Variants in ANKDD1A observed in about 807,000 individuals in gnomAD.
The protein encoded by ANKDD1A is ankyrin repeat and death domain-containing protein 1A.
Under a neutral mutation model 63.5 loss-of-function variants are expected in ANKDD1A, and 59 were observed. The observed-to-expected ratio is 0.93, with a 90% CI of 0.75 to 1.15. The LOEUF is 1.15. Ranked by LOEUF, ANKDD1A falls within the 50% of genes most tolerant of loss-of-function variation. The probability of loss-of-function intolerance (pLI) is 0.00; values close to 1 mark genes in which losing one functional copy is unlikely to be tolerated. For missense variants in ANKDD1A, 632 were observed against 656.4 expected, an observed-to-expected ratio of 0.96 and a Z score of 0.41; for synonymous variants, 266 against 263.9, an observed-to-expected ratio of 1.01 and a Z score of -0.08.
Position 64,930,910 on chromosome 15 carries a change from A to T in ANKDD1A, c.659A>T (p.Glu220Val), listed in dbSNP as rs745367546. Residue 220 changes from glutamate to valine, a missense_variant, in exon 7 of 15, where the codon GAG becomes GTG. Transcript: ENST00000319580. Reference sequence around the variant, plus strand: ...GTGGACATCGGGCTGGACCTGGAGGAGCAGAATGCGGTGAGTCACCGCCTG... The same window carrying T: ...GTGGACATCGGGCTGGACCTGGAGGTGCAGAATGCGGTGAGTCACCGCCTG... Reference protein sequence around the residue: ...RLVDIGLDLEEQNAEGLTALH... With the variant: ...RLVDIGLDLEVQNAEGLTALH... 1 of 1,611,428 alleles carries T rather than the reference A, an allele frequency of 6.2e-7. No individual in the cohort carries two copies. Among genetic ancestry groups the T allele is most frequent in the Non-Finnish European group, 8.5e-7 (1 of 1,179,954 alleles).
rs757983064 is a variant in ANKDD1A at position 64,944,679 on chromosome 15, G to A, written c.1093G>A (p.Val365Ile). 24 of 1,613,884 alleles carry A rather than the reference G, an allele frequency of 1.5e-5. No homozygotes were observed. Among genetic ancestry groups the A allele is most frequent in the South Asian group, 5.5e-5 (5 of 91,044 alleles). Residue 365 changes from valine (V) to isoleucine (I), a missense_variant, in exon 12 of 15, where the codon GTC becomes ATC. Physicochemically the swap from Val to Ile is conservative, Grantham distance 29 (BLOSUM62 3). Transcript: ENST00000319580. ...KQGKTALAVA[V>I]RSNHVSLVDM... ...GGGAAAAACCGCCCTGGCAGTGGCC[G>A]TCCGCAGCAACCATGTCAGCCTGGT...
intron 14 of ANKDD1A, among the ~76,000 whole-genome samples, chr15:64,954,060 TTC>T (rs1566918294): frequency 2.6e-5 from 1 of 38,010 alleles, no homozygotes; most frequent in African/African-American, 5.5e-5. Flanking sequence ...TTTCTCCTTC[TTC>T]TTTCTTCTTC....
chr15:64,931,759 C>G, intron 8 of ANKDD1A, 174 bp downstream of exon 8: 2 of 657,716 alleles, frequency 3.0e-6, no homozygotes, highest in Non-Finnish European at 5.3e-6. Flanking sequence ...GAGCAAGTTA[C>G]TTAACCTCTC....
chr15:64,925,457 CCTT>C lies in ANKDD1A; in HGVS notation c.367-604_367-602del, dbSNP rs549525490. On this transcript the variant is annotated intron_variant, in intron 4 of 14. Coordinates refer to ENST00000319580, the MANE Select transcript of ANKDD1A (RefSeq NM_182703.6). ...TCCTTTTGCTTCTAGGCCCCAGAGACCTTCTTCCTGTCCACCCCCAACCCAGGC... is the reference window on the plus strand; with the variant it reads ...TCCTTTTGCTTCTAGGCCCCAGAGACCTTCCTGTCCACCCCCAACCCAGGC... Among the ~76,000 whole-genome samples the C allele has an allele frequency of 9.1e-4, 139 of 152,128 alleles. 1 individual carries two copies. The highest frequency in any genetic ancestry group is 3.2e-3 in the African/African-American group (134 of 41,498).
At chr15:64,953,655 T>TTC in intron 14 of ANKDD1A, among the ~76,000 whole-genome samples, 3 of 35,616 alleles carry the variant, frequency 8.4e-5, no homozygotes, top group East Asian at 1.8e-3. Context: ...TCCTTCTCCT[T>TTC]CTTTTCTTTC....
chr15:64,934,190 C>G lies in ANKDD1A; in HGVS notation c.823C>G (p.Arg275Gly), dbSNP rs537030205. The G allele has an allele frequency of 6.2e-7, 1 of 1,612,332 alleles. No homozygotes were observed. Among genetic ancestry groups the G allele is most frequent in the African/African-American group, 1.3e-5 (1 of 74,908 alleles). The part of the protein sequence containing the change: ...AALSGSEDVS[R>G]VLIHAGGCAN... Reference sequence around the variant, plus strand: ...CCTCAGTGGCTCGGAGGATGTGTCTCGGGTCCTCATCCACGCAGGAGGCTG... The same window carrying G: ...CCTCAGTGGCTCGGAGGATGTGTCTGGGGTCCTCATCCACGCAGGAGGCTG... Residue 275 changes from arginine to glycine, a missense_variant, in exon 9 of 15, where the codon CGG becomes GGG. Physicochemically the swap from Arg to Gly is moderately radical, Grantham distance 125. Transcript: ENST00000319580.
At chr15:64,949,036 C>T (rs2085247716) in intron 13 of ANKDD1A, among the ~76,000 whole-genome samples, 1 of 152,128 alleles carries the variant, frequency 6.6e-6, no homozygotes, top group Non-Finnish European at 1.5e-5. Context: ...TGCCACCACA[C>T]CAAGGGCAGT....
chr15:64,921,974 C>T lies in ANKDD1A; in HGVS notation c.321C>T (p.Leu107=), dbSNP rs780682731. The T allele has an allele frequency of 6.2e-7, 1 of 1,614,196 alleles. No individual in the cohort carries two copies. The highest frequency in any genetic ancestry group is 8.5e-7 in the Non-Finnish European group (1 of 1,180,038). ...LSAWFGHLRI[L]QILVNSGAKI... is the part of the protein sequence containing the mutation. The stretch of plus-strand genomic sequence containing the variant: ...CCTGGTTCGGCCACTTACGAATCCT[C>T]CAGATCTTGGTAAACTCAGGGGCCA... Residue 107 remains leucine, a synonymous_variant, in exon 4 of 15, where the codon CTC becomes CTT. Coordinates refer to ENST00000319580, the MANE Select transcript of ANKDD1A (RefSeq NM_182703.6).
At chr15:64,917,606 T>G in intron 3 of ANKDD1A, 92 bp downstream of exon 3, 1 of 1,484,244 alleles carries the variant, frequency 6.7e-7, no homozygotes. Context: ...TTGCTGCTAA[T>G]ATGCAGACAT....
intron 13 of ANKDD1A, among the ~76,000 whole-genome samples, chr15:64,948,872 C>T (rs72739226): frequency 0.02 from 3,020 of 152,194 alleles, 49 homozygotes; most frequent in Admixed American, 0.029. Context: ...TGCAAATTGA[C>T]ATTTGCATAT....
At chr15:64,953,234 T>C (rs1412823775) in intron 14 of ANKDD1A, among the ~76,000 whole-genome samples, 1 of 149,782 alleles carries the variant, frequency 6.7e-6, no homozygotes, top group Non-Finnish European at 1.5e-5. Flanking sequence ...CTTATTCTTC[T>C]TTCTTCTTTC....
In ANKDD1A at chr15:64,929,358, G is replaced by A. The variant is rs138375402; in HGVS notation, c.571-1464G>A. On this transcript the variant is annotated intron_variant, in intron 6 of 14. Coordinates refer to ENST00000319580, the MANE Select transcript of ANKDD1A (RefSeq NM_182703.6). ...CTGGCTAATTTTTGTATCTTTTGTA[G>A]AGACGGAGTCTTACTATATTGCCCA... Among the ~76,000 whole-genome samples the A allele has an allele frequency of 7.2e-5, 11 of 152,212 alleles. No homozygotes were observed. In the East Asian group the frequency reaches 1.9e-3, roughly 27 times the overall value.
At chr15:64,943,307 A>C in intron 10 of ANKDD1A, 177 bp from the exon 11 acceptor site, 1 of 613,498 alleles carries the variant, frequency 1.6e-6, no homozygotes, top group East Asian at 2.7e-5. Context: ...AAAAAAATTA[A>C]GATGTAAAAT....
At chr15:64,954,559 CTTCTCCTTG>C (rs1165732358) in intron 14 of ANKDD1A, among the ~76,000 whole-genome samples, 1 of 142,556 alleles carries the variant, frequency 7.0e-6, no homozygotes, top group East Asian at 2.1e-4. Flanking sequence ...TTTCTTCTTC[CTTCTCCTTG>C]TTCTCCTTCT....
Position 64,951,942 on chromosome 15 carries a change from CT to C in ANKDD1A, c.1483+1972del, listed in dbSNP as rs1595858790. Among the ~76,000 whole-genome samples, 151 of 123,666 alleles carry C rather than the reference CT, an allele frequency of 1.2e-3. 2 individuals carry two copies. The highest frequency in any genetic ancestry group is 5.6e-3 in the South Asian group (18 of 3,210). 81.1% of individuals were successfully genotyped at this position (123,666 alleles called of 152,430 possible). A position where few individuals can be genotyped will look rare whatever the true frequency, so the allele number is the denominator to read the frequency against. On this transcript the variant is annotated intron_variant, in intron 14 of 14. Coordinates refer to ENST00000319580, the MANE Select transcript of ANKDD1A (RefSeq NM_182703.6). The stretch of plus-strand genomic sequence containing the variant: ...TTCTTTCCTCTTCTTCCTTTCTTTT[CT>C]TCTTCTTCTTTCCTTCTGCTCTTCT...
chr15:64,956,385 T>G (rs2085417248), intron 14 of ANKDD1A, among the ~76,000 whole-genome samples: 1 of 152,114 alleles, frequency 6.6e-6, no homozygotes, highest in Non-Finnish European at 1.5e-5. Flanking sequence ...CTGTCTCTAC[T>G]AAAAATACAA....
chr15:64,934,107 A>C, intron 8 of ANKDD1A, 29 bp from the exon 9 acceptor site: 1 of 1,584,948 alleles, frequency 6.3e-7, no homozygotes, highest in Non-Finnish European at 8.6e-7. Context: ...GGTCCTTGTG[A>C]TAACGCATTG....
intron 2 of ANKDD1A, among the ~76,000 whole-genome samples, chr15:64,916,330 CT>C (rs1040956905): frequency 2.6e-3 from 362 of 139,962 alleles, no homozygotes; most frequent in Middle Eastern, 7.5e-3. Flanking sequence ...GGCTTTTTTT[CT>C]TTTTTTTTTT....
intron 14 of ANKDD1A, among the ~76,000 whole-genome samples, chr15:64,953,007 T>C (rs1314715708): frequency 8.3e-6 from 1 of 120,766 alleles, no homozygotes; most frequent in African/African-American, 3.0e-5. Flanking sequence ...CTTAGTTCTT[T>C]CTTCTCCTTG....
Sources: gnomAD v4.1 joint callset for allele counts (sites outside exome capture counted in the v4.1 genomes callset) on GRCh38, gnomAD v4.1.1 for gene constraint, MANE v1.5 for transcripts, NCBI Gene and HGNC (gene_info 2026-07-23, HGNC 2026-07-21) for gene names.